NPHP4: variants seen among roughly 807,000 people sequenced by gnomAD.
The protein encoded by NPHP4 is nephrocystin 4, also known as nephrocystin-4.
Under a neutral mutation model 155.8 loss-of-function variants are expected in NPHP4, and 151 were observed. That is an observed-to-expected ratio of 0.97 (90% CI 0.85 to 1.11). NPHP4 has a LOEUF of 1.11. NPHP4 is among the 50% of genes least tolerant of loss of function. NPHP4 has a pLI of 0.00. For synonymous variants in NPHP4, 845 were observed against 816.8 expected (o/e 1.03, Z -0.59); for missense variants, 1,956 against 1,925.7 (o/e 1.02, Z -0.29).
At chr1:5,940,064 G>A (rs552001298) in intron 9 of NPHP4, among the ~76,000 whole-genome samples, 2 of 152,184 alleles carry the variant, frequency 1.3e-5, no homozygotes, top group Admixed American at 6.5e-5. Context: ...CAGAACTACC[G>A]CTCATCAAAA....
In NPHP4 at chr1:5,889,699, G is replaced by A. The variant is rs1644016199; in HGVS notation, c.2304+1169C>T. Among the ~76,000 whole-genome samples the A allele has an allele frequency of 6.6e-6, 1 of 152,204 alleles. No individual in the cohort carries two copies. Among genetic ancestry groups the A allele is most frequent in the Admixed American group, 6.5e-5 (1 of 15,292 alleles). On this transcript the variant is annotated intron_variant, in intron 17 of 29. Transcript: ENST00000378156. This position sits in a 1 kb window ranked among gnomAD's most constrained non-coding sequence, Gnocchi z 4.2. ...TGCTGTGGTGTCGACACACAGTCCT[G>A]CCCTGGGGACATCAAAGCCAGCATG...
chr1:5,867,681 A>G lies in NPHP4; in HGVS notation c.3472+59T>C. On this transcript the variant is annotated intron_variant, in intron 24 of 29. Coordinates refer to ENST00000378156, the MANE Select transcript of NPHP4 (RefSeq NM_015102.5). This position sits in a 1 kb window ranked among gnomAD's most constrained non-coding sequence, Gnocchi z 4.1. ...AGGCCATCTGTCACCCTCAAGAGGTATCTACTTCCAACAGGTGAGCCTGCA... is the reference window on the plus strand; with the variant it reads ...AGGCCATCTGTCACCCTCAAGAGGTGTCTACTTCCAACAGGTGAGCCTGCA... 1 of 1,570,172 alleles carries G rather than the reference A, an allele frequency of 6.4e-7. No individual in the cohort carries two copies.
rs397705325 is a variant in NPHP4 at position 5,958,856 on chromosome 1, C to CA, written c.673+2937dup. ...CCTGAAGAAGAGCCAGACCCTGTCT[C>CA]AAAAAAAAAAAAAAAAAGAATTAGA... is the stretch of plus-strand genomic sequence containing the variant. On this transcript the variant is annotated intron_variant, in intron 6 of 29. Transcript: ENST00000378156. Among the ~76,000 whole-genome samples, 18 of 75,870 alleles carry CA rather than the reference C, an allele frequency of 2.4e-4. 1 individual carries two copies. Among genetic ancestry groups the CA allele is most frequent in the Admixed American group, 8.4e-4 (5 of 5,922 alleles). The allele number at this position is 75,870 out of a possible 152,430, so 49.8% of individuals were successfully genotyped here. A position where few individuals can be genotyped will look rare whatever the true frequency, so the allele number is the denominator to read the frequency against.
chr1:5,910,609 G>A lies in NPHP4; in HGVS notation c.1442-1396C>T, dbSNP rs904873994. Among the ~76,000 whole-genome samples, 6 of 152,162 alleles carry A rather than the reference G, an allele frequency of 3.9e-5. No homozygotes were observed. The highest frequency in any genetic ancestry group is 7.3e-5 in the Non-Finnish European group (5 of 68,038). On this transcript the variant is annotated intron_variant, in intron 11 of 29. Coordinates refer to ENST00000378156, the MANE Select transcript of NPHP4 (RefSeq NM_015102.5). The surrounding 1 kb of genome is among the most constrained non-coding windows in gnomAD (Gnocchi z 5.4). ...AGCACACAGCACAGAGGCCTGTGAC[G>A]TCAAACGCTGGGCACTCTGGATAGA...
intron 18 of NPHP4, 136 bp from the exon 19 acceptor site, chr1:5,880,375 T>C (rs1187878736): frequency 2.5e-6 from 2 of 792,966 alleles, no homozygotes; most frequent in Non-Finnish European, 4.0e-6. Context: ...CCACCGCCTC[T>C]GTTTTGAATG....
chr1:5,972,967 C>A (rs1379649645), intron 3 of NPHP4, among the ~76,000 whole-genome samples: 2 of 152,074 alleles, frequency 1.3e-5, no homozygotes, highest in Non-Finnish European at 2.9e-5. Context: ...TCACTGCAAC[C>A]TCCACCCGCC....
At chr1:5,899,305 A>T (rs1371165125) in intron 16 of NPHP4, among the ~76,000 whole-genome samples, 2 of 152,328 alleles carry the variant, frequency 1.3e-5, no homozygotes, top group African/African-American at 4.8e-5. Flanking sequence ...GAATCACCCG[A>T]CACTGGGCTT....
chr1:5,868,157 C>A (rs918194372), intron 23 of NPHP4: 2 of 586,780 alleles, frequency 3.4e-6, no homozygotes, highest in African/African-American at 3.7e-5. Context: ...TTATTCCTCG[C>A]GAGTACAGCA....
At chr1:5,871,606 T>C (rs1242072743) in intron 23 of NPHP4, among the ~76,000 whole-genome samples, 1 of 152,200 alleles carries the variant, frequency 6.6e-6, no homozygotes, top group African/African-American at 2.4e-5. Flanking sequence ...GAACACGCAG[T>C]GGGCCAGGAG....
At chr1:5,891,855 AG>A (rs1295034614) in intron 16 of NPHP4, among the ~76,000 whole-genome samples, 1 of 152,256 alleles carries the variant, frequency 6.6e-6, no homozygotes, top group African/African-American at 2.4e-5. Context: ...CCAGCCCCAC[AG>A]GATGACCACA....
rs376157441 is a variant in NPHP4 at position 5,880,193 on chromosome 1, C to T, written c.2532G>A (p.Pro844=). ...CGTTTGAGATGACCCGAGATCTGGA[C>T]GGTGGCAATGTGCTACAACCTCTCA... The part of the protein sequence containing the change: ...QKVRGCSTLP[P]SRSRVISNDG... Residue 844 remains proline, a synonymous_variant, in exon 19 of 30, where the codon CCG becomes CCA. Transcript: ENST00000378156. 124 of 1,613,548 alleles carry T rather than the reference C, an allele frequency of 7.7e-5. No individual in the cohort carries two copies. The highest frequency in any genetic ancestry group is 1.3e-4 in the East Asian group (6 of 44,886).
Position 5,862,991 on chromosome 1 carries a change from C to T in NPHP4, c.*274G>A. On this transcript the variant is annotated 3_prime_UTR_variant, in exon 30 of 30. Transcript: ENST00000378156. ...AGCAACAGCGATAACGAGGGTCCCA[C>T]ATGCGTAGATGGCAGCACCAGAGCC... 2.0e-6 allele frequency: 1 copy of T among 507,480 alleles called. No individual in the cohort carries two copies. Among genetic ancestry groups the T allele is most frequent in the Non-Finnish European group, 3.5e-6 (1 of 281,868 alleles). The allele number at this position is 507,480 out of a possible 1,614,324, so 31.4% of individuals were successfully genotyped here.
chr1:5,898,529 T>G (rs760176212), intron 16 of NPHP4, among the ~76,000 whole-genome samples: 14 of 152,226 alleles, frequency 9.2e-5, no homozygotes, highest in Non-Finnish European at 1.6e-4. Flanking sequence ...CCAGCGGCTC[T>G]GCCGGGCAGA....
At chr1:5,958,903 A>C (rs1416876241) in intron 6 of NPHP4, among the ~76,000 whole-genome samples, 1 of 150,252 alleles carries the variant, frequency 6.7e-6, no homozygotes, top group Non-Finnish European at 1.5e-5. Context: ...CTGTCATTAC[A>C]TACATAATTT....
Position 5,933,299 on chromosome 1 carries a change from C to A in NPHP4, c.1150G>T (p.Ala384Ser). ...GCCCAGCGGACCATGTGCATGCATG[C>A]CAGGTTGGACAGAGAGGTGACCGAA... ...AASVTSLSNL[A>S]CMHMVRWAVW... The change falls in exon 10 of 30, where the codon GCA (alanine) becomes TCA (serine). Residue 384 changes from alanine to serine, a missense_variant. Coordinates refer to ENST00000378156, the MANE Select transcript of NPHP4 (RefSeq NM_015102.5). 1 of 1,613,294 alleles carries A rather than the reference C, an allele frequency of 6.2e-7. No homozygotes were observed. The highest frequency in any genetic ancestry group is 1.7e-4 in the Middle Eastern group (1 of 5,770).
In NPHP4 at chr1:5,910,951, A is replaced by G. The variant is rs1645151589; in HGVS notation, c.1442-1738T>C. Among the ~76,000 whole-genome samples, 1 of 152,216 alleles carries G rather than the reference A, an allele frequency of 6.6e-6. No homozygotes were observed. Among genetic ancestry groups the G allele is most frequent in the African/African-American group, 2.4e-5 (1 of 41,462 alleles). On this transcript the variant is annotated intron_variant, in intron 11 of 29. Coordinates refer to ENST00000378156, the MANE Select transcript of NPHP4 (RefSeq NM_015102.5). This position sits in a 1 kb window ranked among gnomAD's most constrained non-coding sequence, Gnocchi z 5.4. Reference sequence around the variant, plus strand: ...GCCCAGCCTGGCGGGCACAGCTCCCAGTCCAACTACCTCCTGGGCAGCGCC... The same window carrying G: ...GCCCAGCCTGGCGGGCACAGCTCCCGGTCCAACTACCTCCTGGGCAGCGCC...
At chr1:5,930,773 C>T (rs1646233422) in intron 10 of NPHP4, among the ~76,000 whole-genome samples, 1 of 152,192 alleles carries the variant, frequency 6.6e-6, no homozygotes, top group Non-Finnish European at 1.5e-5. Flanking sequence ...CTATAAATAT[C>T]ATTCCGATCC....
chr1:5,929,845 C>T (rs1646188210), intron 10 of NPHP4, among the ~76,000 whole-genome samples: 1 of 152,134 alleles, frequency 6.6e-6, no homozygotes, highest in Admixed American at 6.5e-5. Context: ...TTGCTCCCAT[C>T]TTTTCTGTTT....
chr1:5,864,802 G>A, intron 27 of NPHP4: 1 of 536,234 alleles, frequency 1.9e-6, no homozygotes, highest in South Asian at 2.9e-5. Context: ...GGTGGCACCA[G>A]GGGCCGCCCT....
Sources: allele counts gnomAD v4.1 joint callset (sites outside exome capture counted in the v4.1 genomes callset), GRCh38; gene constraint gnomAD v4.1.1; non-coding constraint Gnocchi (gnomAD v3.1); transcripts MANE v1.5; gene names NCBI Gene and HGNC (gene_info 2026-07-23, HGNC 2026-07-21).